The following NAV3 variants were observed in gnomAD, a reference collection of about 807,000 sequenced individuals.
The protein encoded by NAV3 is neuron navigator 3.
NAV3 carries 87 observed loss-of-function variants against 244.7 expected under a neutral mutation model. The observed-to-expected ratio is 0.36, with a 90% CI of 0.30 to 0.42. The LOEUF (loss-of-function observed/expected upper bound fraction) is 0.42, where lower values mean the gene tolerates loss of function less well. Among genes scored for constraint, NAV3 ranks in the 20% least tolerant of loss-of-function variants. NAV3 has a pLI of 1.00. For missense variants in NAV3, 2,663 were observed against 2,893.3 expected (o/e 0.92, Z 1.83); for synonymous variants, 1,126 against 1,042.2 (o/e 1.08, Z -1.55).
intron 8 of NAV3, among the ~76,000 whole-genome samples, chr12:78,015,905 T>C (rs1876119333): frequency 6.6e-6 from 1 of 152,142 alleles, no homozygotes; most frequent in Non-Finnish European, 1.5e-5. Flanking sequence ...ATGATCTTTC[T>C]ATCTATTTAA....
At chr12:77,753,941 G>A (rs971881458) in intron 2 of NAV3, among the ~76,000 whole-genome samples, 1 of 152,136 alleles carries the variant, frequency 6.6e-6, no homozygotes, top group East Asian at 1.9e-4. Flanking sequence ...TAATCAGACT[G>A]CTACCTTTAG....
At chr12:77,738,723 G>C (rs1868272070) in intron 2 of NAV3, among the ~76,000 whole-genome samples, 1 of 152,168 alleles carries the variant, frequency 6.6e-6, no homozygotes, top group Non-Finnish European at 1.5e-5. Context: ...TAAGACTACA[G>C]GTTCTGGGCT....
At chr12:77,838,352 C>T (rs531480794) in intron 1 of NAV3, among the ~76,000 whole-genome samples, 2 of 152,190 alleles carry the variant, frequency 1.3e-5, no homozygotes, top group Non-Finnish European at 2.9e-5. Context: ...ATGTGGCCAT[C>T]AGTATTATTG....
chr12:77,644,730 A>C lies in NAV3; in HGVS notation c.72+72464A>C, dbSNP rs973564889. On this transcript the variant is annotated intron_variant, in intron 2 of 8. Transcript: ENST00000550042. ...TGTTTATTAGAGGTCTATGGTAATCATTGTTTAAAGCCATTTGTCTCTAAA... is the reference window on the plus strand; with the variant it reads ...TGTTTATTAGAGGTCTATGGTAATCCTTGTTTAAAGCCATTTGTCTCTAAA... 3.3e-5 allele frequency among the ~76,000 whole-genome samples: 5 copies of C among 152,104 alleles called. 1 individual carries two copies. Among genetic ancestry groups the C allele is most frequent in the African/African-American group, 1.2e-4 (5 of 41,424 alleles).
At chr12:77,593,754 G>T (rs933745112) in intron 2 of NAV3, among the ~76,000 whole-genome samples, 2 of 151,594 alleles carry the variant, frequency 1.3e-5, no homozygotes, top group African/African-American at 4.9e-5. Flanking sequence ...GATTAGAGGC[G>T]TGAGCCACCA....
intron 2 of NAV3, among the ~76,000 whole-genome samples, chr12:77,656,193 G>C (rs1473368021): frequency 6.9e-6 from 1 of 144,632 alleles, no homozygotes; most frequent in Non-Finnish European, 1.5e-5. Context: ...ACGCATCAGT[G>C]TGTTGTATTC....
At chr12:78,045,985 A>G (rs1417496041) in intron 9 of NAV3, among the ~76,000 whole-genome samples, 1 of 152,134 alleles carries the variant, frequency 6.6e-6, no homozygotes, top group Admixed American at 6.5e-5. Context: ...CCAGGAATTT[A>G]TCCATTTCTT....
intron 3 of NAV3, among the ~76,000 whole-genome samples, chr12:77,941,765 C>T (rs1022394904): frequency 1.3e-5 from 2 of 152,018 alleles, no homozygotes; most frequent in African/African-American, 4.8e-5. Flanking sequence ...AAATATGTTT[C>T]TTAATTAAAA....
At chr12:77,997,704 G>A (rs192267111) in intron 6 of NAV3, among the ~76,000 whole-genome samples, 93 of 152,310 alleles carry the variant, frequency 6.1e-4, no homozygotes, top group Non-Finnish European at 1.1e-3. Context: ...AGCTAAGTCT[G>A]GATGCTTATT....
chr12:77,902,187 T>C (rs930247791), intron 1 of NAV3, among the ~76,000 whole-genome samples: 8 of 152,218 alleles, frequency 5.3e-5, no homozygotes, highest in Admixed American at 2.0e-4. Flanking sequence ...TCTTACTTAA[T>C]CATCTGTAAT....
At chr12:77,744,388 T>C (rs1868430854) in intron 2 of NAV3, among the ~76,000 whole-genome samples, 1 of 151,978 alleles carries the variant, frequency 6.6e-6, no homozygotes, top group Admixed American at 6.6e-5. Flanking sequence ...ATAGAGACTA[T>C]TACTCCCAGA....
At chr12:78,170,897 T>C (rs1309309364) in intron 24 of NAV3, among the ~76,000 whole-genome samples, 1 of 151,682 alleles carries the variant, frequency 6.6e-6, no homozygotes, top group Non-Finnish European at 1.5e-5. Context: ...ATACTTCCCT[T>C]CTTAAAATTA....
chr12:77,580,095 G>C (rs1869281607), intron 2 of NAV3, among the ~76,000 whole-genome samples: 1 of 152,006 alleles, frequency 6.6e-6, no homozygotes, highest in Admixed American at 6.6e-5. Flanking sequence ...TTCCTAGTTT[G>C]CTCAAATCAC....
chr12:77,658,735 A>C (rs2137025193), intron 2 of NAV3, among the ~76,000 whole-genome samples: 1 of 152,170 alleles, frequency 6.6e-6, no homozygotes, highest in East Asian at 1.9e-4. Flanking sequence ...TAACCAAAAC[A>C]GCATGGTACT....
At chr12:77,702,935 TTA>T (rs1875627248) in intron 2 of NAV3, among the ~76,000 whole-genome samples, 1 of 152,010 alleles carries the variant, frequency 6.6e-6, no homozygotes, top group African/African-American at 2.4e-5. Context: ...AGAACTACCT[TTA>T]ATAATTCTTG....
At chr12:77,962,363 T>G (rs898904425) in intron 3 of NAV3, among the ~76,000 whole-genome samples, 3 of 152,184 alleles carry the variant, frequency 2.0e-5, no homozygotes, top group Admixed American at 6.6e-5. Flanking sequence ...TTTGAATGTT[T>G]GATGGACCAG....
At position 78,159,119 on chromosome 12, in the gene NAV3, TA is replaced by T. The variant is rs905530498; in HGVS notation, c.4786-82del. 42 of 1,128,400 alleles carry T rather than the reference TA, an allele frequency of 3.7e-5. No individual in the cohort carries two copies. The African/African-American group carries it at 6.3e-4, about 17-fold the overall frequency. The allele number at this position is 1,128,400 out of a possible 1,614,324, so 69.9% of individuals were successfully genotyped here. On this transcript the variant is annotated intron_variant, in intron 22 of 39. Transcript: ENST00000397909. ...TTTAAAGAGTTGGAACACATGAAAT[TA>T]AGCATTTTGTAAAATGAAGGCTTTT... is the stretch of plus-strand genomic sequence containing the variant.
At chr12:77,660,845 TAC>T (rs1873409825) in intron 2 of NAV3, among the ~76,000 whole-genome samples, 1 of 152,186 alleles carries the variant, frequency 6.6e-6, no homozygotes, top group Non-Finnish European at 1.5e-5. Context: ...AATCATACAA[TAC>T]ACAGTTTTTT....
At chr12:78,012,677 T>C (rs1298277897) in intron 8 of NAV3, among the ~76,000 whole-genome samples, 1 of 152,136 alleles carries the variant, frequency 6.6e-6, no homozygotes, top group African/African-American at 2.4e-5. Flanking sequence ...GTCTTGTTAT[T>C]AGAGCTCTGC....
Sources: allele counts gnomAD v4.1 joint callset (sites outside exome capture counted in the v4.1 genomes callset), GRCh38; gene constraint gnomAD v4.1.1; transcripts MANE v1.5; gene names NCBI Gene and HGNC (gene_info 2026-07-23, HGNC 2026-07-21).